Variants in NDUFS7 observed in about 807,000 individuals in gnomAD.
The protein encoded by NDUFS7 is NADH dehydrogenase [ubiquinone] iron-sulfur protein 7, mitochondrial.
In NDUFS7, 11 loss-of-function variants were observed where a neutral mutation model predicts 31.1. That is an observed-to-expected ratio of 0.35 (90% CI 0.22 to 0.59). NDUFS7 has a LOEUF of 0.59. NDUFS7 is among the 20% of genes least tolerant of loss of function. NDUFS7 has a pLI of 0.79. For synonymous variants in NDUFS7, 136 were observed against 127.9 expected (o/e 1.06, Z -0.43); for missense variants, 263 against 324.2 (o/e 0.81, Z 1.45).
rs1226686981 is a variant in NDUFS7, at chr19:1,383,940, C to T, written c.14C>T (p.Ser5Leu). The T allele has an allele frequency of 1.9e-6, 3 of 1,577,570 alleles. No individual in the cohort carries two copies. The highest frequency in any genetic ancestry group is 2.3e-5 in the South Asian group (2 of 86,234). Reference protein sequence around the residue: MAVLSAPGLRGFRIL... With the variant: MAVLLAPGLRGFRIL... ...GCCGAGGCCAAGATGGCGGTGCTGT[C>T]AGGTGAGCGCGGCACCGGCGGCGGG... Residue 5 changes from serine to leucine, a missense_variant and splice_region_variant, in exon 1 of 8, where the codon TCA (serine) becomes TTA (leucine). Ser to Leu is a moderately radical substitution (Grantham distance 145). Coordinates refer to ENST00000233627, the MANE Select transcript of NDUFS7 (RefSeq NM_024407.5).
At chr19:1,389,118 G>C (rs568257499) in intron 4 of NDUFS7, 180 bp downstream of exon 4, 1 of 707,768 alleles carries the variant, frequency 1.4e-6, no homozygotes, top group East Asian at 2.7e-5. Context: ...CGGACCACAC[G>C]CACACTCACG....
chr19:1,394,429 C>T (rs1421968352), intron 7 of NDUFS7: 2 of 1,278,514 alleles, frequency 1.6e-6, no homozygotes, highest in Admixed American at 4.7e-5. Context: ...CTGAGCTCCT[C>T]CCTCCCTGGG....
At chr19:1,384,274 GGA>G in intron 1 of NDUFS7, 1 of 404,784 alleles carries the variant, frequency 2.5e-6, no homozygotes, top group Non-Finnish European at 4.4e-6. Flanking sequence ...GAGATGCCCT[GGA>G]GAGAGCGGGG....
rs72983545 is a variant in NDUFS7, at chr19:1,391,328, C to T, written c.455+163C>T. Among the ~76,000 whole-genome samples, 5,633 of 152,184 alleles carry T rather than the reference C, an allele frequency of 0.037. 132 individuals are homozygous for T. Among genetic ancestry groups the T allele is most frequent in the Middle Eastern group, 0.14 (42 of 294 alleles). On this transcript the variant is annotated intron_variant, in intron 6 of 7. Coordinates refer to ENST00000233627, the MANE Select transcript of NDUFS7 (RefSeq NM_024407.5). ...TCGGTGCCTCCACCCTAGGCAGATG[C>T]GCTGGTGGGCCTCTCCCCAGAACGA...
At chr19:1,389,498 C>T (rs560295619) in intron 4 of NDUFS7, 36 of 457,414 alleles carry the variant, frequency 7.9e-5, no homozygotes, top group African/African-American at 6.0e-4. Context: ...TCTGAGGATT[C>T]GGACCCTGCT....
Position 1,388,563 on chromosome 19 carries a change from A to G in NDUFS7, c.92A>G (p.His31Arg). 10 of 1,612,126 alleles carry G rather than the reference A, an allele frequency of 6.2e-6. No homozygotes were observed. The highest frequency in any genetic ancestry group is 8.5e-6 in the Non-Finnish European group (10 of 1,179,914). ...VGPAVQARGV[H>R]QSVATDGPSS... ...CCGGCTGTGCAGGCACGAGGTGTCC[A>G]TCAGAGCGTGGCCACCGATGGCCCA... Residue 31 changes from histidine (H) to arginine (R), a missense_variant, in exon 3 of 8, where the codon CAT becomes CGT. Physicochemically the swap from His to Arg is conservative, Grantham distance 29 (BLOSUM62 0). Coordinates refer to ENST00000233627, the MANE Select transcript of NDUFS7 (RefSeq NM_024407.5).
At chr19:1,389,572 T>C in intron 4 of NDUFS7, 1 of 452,340 alleles carries the variant, frequency 2.2e-6, no homozygotes, top group Non-Finnish European at 4.5e-6. Flanking sequence ...TTGTTTCTCT[T>C]TTAAGGTGAA....
Position 1,393,413 on chromosome 19 carries a change from TC to T in NDUFS7, c.544+86del. On this transcript the variant is annotated intron_variant, in intron 7 of 7. Coordinates refer to ENST00000233627, the MANE Select transcript of NDUFS7 (RefSeq NM_024407.5). This position sits in a 1 kb window ranked among gnomAD's most constrained non-coding sequence, Gnocchi z 7.3. ...GAGCCCGGCGGCCCCTGTGAGGGAG[TC>T]CCACACCCCCAGCAGACGGCGGGCT... The T allele has an allele frequency of 8.5e-7, 1 of 1,177,780 alleles. No homozygotes were observed. Among genetic ancestry groups the T allele is most frequent in the Non-Finnish European group, 1.2e-6 (1 of 819,090 alleles). The allele number at this position is 1,177,780 out of a possible 1,614,324, so 73.0% of individuals were successfully genotyped here.
rs144868423 is a variant in NDUFS7, at chr19:1,391,041, G to A, written c.399G>A (p.Ala133=). ...AGTLTNKMAP[A]LRKVYDQMPE... is the part of the protein sequence containing the mutation. ...CACTCACCAACAAGATGGCCCCAGC[G>A]CTTCGCAAGGTAGGCCTCGTCCCAG... Residue 133 remains alanine (A), a synonymous_variant, in exon 5 of 8, where the codon GCG becomes GCA. Coordinates refer to ENST00000233627, the MANE Select transcript of NDUFS7 (RefSeq NM_024407.5). The A allele has an allele frequency of 1.4e-5, 23 of 1,613,076 alleles. No individual in the cohort carries two copies. In the African/African-American group the frequency reaches 1.9e-4, roughly 13 times the overall value.
Position 1,388,537 on chromosome 19 carries a change from C to T in NDUFS7, c.66C>T (p.Gly22=), listed in dbSNP as rs765891459. Residue 22 remains glycine (G), a synonymous_variant, in exon 3 of 8, where the codon GGC becomes GGT. Transcript: ENST00000233627. ...CATCTCCCGGCAGCTCCAGCGTGGG[C>T]CCGGCTGTGCAGGCACGAGGTGTCC... ...FRILGLRSSV[G]PAVQARGVHQ... 1.9e-6 allele frequency: 3 copies of T among 1,611,414 alleles called. No homozygotes were observed. The Admixed American group carries it at 5.0e-5, about 27-fold the overall frequency.
At chr19:1,395,293 G>T (rs892383448) in intron 7 of NDUFS7, 98 bp from the exon 8 acceptor site, 5 of 1,505,086 alleles carry the variant, frequency 3.3e-6, no homozygotes, top group Non-Finnish European at 4.5e-6. Flanking sequence ...TTCAGAGGCC[G>T]GCCCGGGAAA....
In NDUFS7 at chr19:1,395,571, C is replaced by T; in HGVS notation, c.*83C>T. 2 of 1,467,034 alleles carry T rather than the reference C, an allele frequency of 1.4e-6. No individual in the cohort carries two copies. Among genetic ancestry groups the T allele is most frequent in the Non-Finnish European group, 1.9e-6 (2 of 1,075,606 alleles). The allele number at this position is 1,467,034 out of a possible 1,614,324, so 90.9% of individuals were successfully genotyped here. A position where few individuals can be genotyped will look rare whatever the true frequency, so the allele number is the denominator to read the frequency against. On this transcript the variant is annotated 3_prime_UTR_variant, in exon 8 of 8. Transcript: ENST00000233627. ...CCGTGAGGTTGTCAATAAACCTGCC[C>T]TCGGGCTGCCGCCTCCCAGTGTGGT...
chr19:1,385,567 C>T (rs2082502345), intron 1 of NDUFS7, among the ~76,000 whole-genome samples: 1 of 151,526 alleles, frequency 6.6e-6, no homozygotes, highest in Non-Finnish European at 1.5e-5. Context: ...GCCTGTAATC[C>T]CAGCACTTTG....
At chr19:1,387,138 TC>T (rs995700737) in intron 1 of NDUFS7, 6 of 150,818 alleles carry the variant, frequency 4.0e-5, no homozygotes, top group Admixed American at 6.5e-5. Context: ...GGCAGCGCCC[TC>T]CCCGCTTAGC....
intron 4 of NDUFS7, 51 bp from the exon 5 acceptor site, chr19:1,390,820 G>A (rs2082549872): frequency 6.3e-7 from 1 of 1,584,976 alleles, no homozygotes; most frequent in Non-Finnish European, 8.5e-7. Context: ...TCTCACGCTG[G>A]GCCACGCGGG....
At chr19:1,394,330 G>T (rs2082577588) in intron 7 of NDUFS7, 1 of 1,282,310 alleles carries the variant, frequency 7.8e-7, no homozygotes, top group Non-Finnish European at 1.0e-6. Context: ...GGGGTCAGGA[G>T]CTCTGCCCAT....
intron 4 of NDUFS7, 38 bp downstream of exon 4, chr19:1,388,976 G>A (rs772788714): frequency 1.0e-5 from 16 of 1,528,104 alleles, no homozygotes; most frequent in Non-Finnish European, 1.2e-5. Flanking sequence ...TCGAGCGCCA[G>A]GGCCTCTCTG....
chr19:1,384,435 C>T (rs1383779001), intron 1 of NDUFS7, among the ~76,000 whole-genome samples: 1 of 152,230 alleles, frequency 6.6e-6, no homozygotes, highest in Non-Finnish European at 1.5e-5. Context: ...GGGCCTCTCG[C>T]AGAGCCTGTC....
chr19:1,390,973 C>T lies in NDUFS7; in HGVS notation c.331C>T (p.Arg111Cys), dbSNP rs760431596. ...CATGGACCGCTTTGGCGTGGTCTTC[C>T]GCGCCAGCCCGCGCCAGTCCGACGT... ...YDMDRFGVVF[R>C]ASPRQSDVMI... is the part of the protein sequence containing the mutation. Residue 111 changes from arginine (R) to cysteine (C), a missense_variant, in exon 5 of 8, where the codon CGC (arginine) becomes TGC (cysteine). Arg to Cys is a radical substitution (Grantham distance 180, BLOSUM62 -3). Coordinates refer to ENST00000233627, the MANE Select transcript of NDUFS7 (RefSeq NM_024407.5). 6.8e-6 allele frequency: 11 copies of T among 1,612,902 alleles called. No homozygotes were observed. Among genetic ancestry groups the T allele is most frequent in the Non-Finnish European group, 2.5e-6 (3 of 1,179,852 alleles).
Sources: allele counts gnomAD v4.1 joint callset (sites outside exome capture counted in the v4.1 genomes callset), GRCh38; gene constraint gnomAD v4.1.1; non-coding constraint Gnocchi (gnomAD v3.1); transcripts MANE v1.5; gene names NCBI Gene and HGNC (gene_info 2026-07-23, HGNC 2026-07-21).